Variants in TLK1 observed in about 807,000 individuals in gnomAD.
TLK1 encodes tousled like kinase 1.
In TLK1, 24 loss-of-function variants were observed where a neutral mutation model predicts 105.3. The ratio of observed to expected loss-of-function variants is 0.23; its 90% confidence interval spans 0.17 to 0.32. The LOEUF is 0.32. Among genes scored for constraint, TLK1 ranks in the 10% least tolerant of loss-of-function variants. The pLI is 1.00. For missense variants in TLK1, 558 were observed against 910.5 expected (o/e 0.61, Z 4.98); for synonymous variants, 321 against 310.4 (o/e 1.03, Z -0.36).
chr2:171,055,441 G>A (rs1399593498), intron 6 of TLK1, among the ~76,000 whole-genome samples: 3 of 150,944 alleles, frequency 2.0e-5, no homozygotes, highest in African/African-American at 7.3e-5. Flanking sequence ...TGCCATAAAA[G>A]AAATCTTAAT....
rs1683797897 is a variant in TLK1 at position 170,991,847 on chromosome 2, C to CA, written c.*1932dup. 1 of 152,094 alleles carries CA rather than the reference C, an allele frequency of 6.6e-6. No individual in the cohort carries two copies. Among genetic ancestry groups the CA allele is most frequent in the Non-Finnish European group, 1.5e-5 (1 of 67,994 alleles). The allele number at this position is 152,094 out of a possible 1,614,324, so 9.4% of individuals were successfully genotyped here. A position where few individuals can be genotyped will look rare whatever the true frequency, so the allele number is the denominator to read the frequency against. ...CTCTAACAACAAAACTGAAAACTTG[C>CA]AGGCAGCACGTAAAGCACTCAATCA... On this transcript the variant is annotated 3_prime_UTR_variant, in exon 21 of 21. Coordinates refer to ENST00000431350, the MANE Select transcript of TLK1 (RefSeq NM_012290.5).
intron 4 of TLK1, chr2:171,060,058 A>C: frequency 6.3e-7 from 1 of 1,599,100 alleles, no homozygotes; most frequent in Non-Finnish European, 8.5e-7. Flanking sequence ...GGGGGAAAAA[A>C]CACTGAAAGC....
At chr2:171,177,643 T>C (rs185155694) in intron 1 of TLK1, among the ~76,000 whole-genome samples, 7 of 152,302 alleles carry the variant, frequency 4.6e-5, no homozygotes, top group Admixed American at 4.6e-4. Flanking sequence ...TCTTTTCAAC[T>C]AACAAAGTGA....
chr2:171,221,467 T>C (rs1462161896), intron 1 of TLK1, among the ~76,000 whole-genome samples: 1 of 152,200 alleles, frequency 6.6e-6, no homozygotes, highest in Non-Finnish European at 1.5e-5. Flanking sequence ...GATGCATTGC[T>C]TTATAAGCTA....
intron 3 of TLK1, among the ~76,000 whole-genome samples, chr2:171,075,215 A>C (rs1465421214): frequency 2.0e-5 from 3 of 152,198 alleles, no homozygotes; most frequent in Non-Finnish European, 4.4e-5. Flanking sequence ...AGAAGGTATG[A>C]GAAAGTAGAG....
intron 2 of TLK1, among the ~76,000 whole-genome samples, chr2:171,092,031 C>T (rs537856578): frequency 4.0e-5 from 6 of 151,696 alleles, no homozygotes; most frequent in Non-Finnish European, 5.9e-5. Flanking sequence ...TGCGCCCGGC[C>T]GTCTTTTTTT....
At chr2:171,136,869 T>A (rs1452946471) in intron 1 of TLK1, among the ~76,000 whole-genome samples, 2 of 152,166 alleles carry the variant, frequency 1.3e-5, no homozygotes, top group Non-Finnish European at 2.9e-5. Context: ...GGTAAAAAAA[T>A]CAAGACTACT....
At chr2:171,028,125 T>C (rs1047916225) in intron 12 of TLK1, among the ~76,000 whole-genome samples, 1 of 152,192 alleles carries the variant, frequency 6.6e-6, no homozygotes, top group Non-Finnish European at 1.5e-5. Context: ...ATTGTGCCGC[T>C]GCACTCCAGC....
intron 2 of TLK1, among the ~76,000 whole-genome samples, chr2:171,087,267 C>T (rs924629766): frequency 1.3e-5 from 2 of 152,116 alleles, no homozygotes; most frequent in African/African-American, 4.8e-5. Flanking sequence ...ATATAAGTAG[C>T]TCAAACGACA....
intron 2 of TLK1, among the ~76,000 whole-genome samples, chr2:171,115,170 C>CTTTTTTTTTTTTTTTTTTTT (rs373796060): frequency 5.9e-5 from 8 of 135,764 alleles, no homozygotes; most frequent in African/African-American, 1.2e-4. Context: ...TTAAGAATTT[C>CTTTTTTTTTTTTTTTTTTTT]TTTCTTTTTT....
chr2:171,021,451 T>A (rs1472139967), intron 12 of TLK1, among the ~76,000 whole-genome samples: 2 of 1,080 alleles, frequency 1.9e-3, no homozygotes, highest in Non-Finnish European at 9.3e-3. Flanking sequence ...TTTTTTTTTT[T>A]TTTTTTTTTT....
At chr2:171,082,885 G>T in intron 2 of TLK1, 33 bp from the exon 3 acceptor site, 4 of 1,487,840 alleles carry the variant, frequency 2.7e-6, no homozygotes, top group South Asian at 1.2e-5. Flanking sequence ...TAAAAATTAG[G>T]AGTAATTTTT....
intron 1 of TLK1, among the ~76,000 whole-genome samples, chr2:171,222,486 A>G (rs969252695): frequency 6.6e-6 from 1 of 152,054 alleles, no homozygotes; most frequent in South Asian, 2.1e-4. Flanking sequence ...GCACATCACC[A>G]TGCCTGCCTA....
Position 171,061,097 on chromosome 2 carries a change from C to T in TLK1, c.390G>A (p.Gln130=), listed in dbSNP as rs767889130. The T allele has an allele frequency of 6.2e-7, 1 of 1,613,576 alleles. No individual in the cohort carries two copies. The highest frequency in any genetic ancestry group is 1.7e-5 in the Admixed American group (1 of 60,014). Residue 130 remains glutamine, a synonymous_variant, in exon 4 of 21, where the codon CAG becomes CAA. Coordinates refer to ENST00000431350, the MANE Select transcript of TLK1 (RefSeq NM_012290.5). ...TGTGCTTACCCTGACTACTTTCATT[C>T]TGGTTTTCTGCTTTTCTCTTTCTTC... ...SRGRKRKAEN[Q]NESSQGKSIG...
intron 1 of TLK1, among the ~76,000 whole-genome samples, chr2:171,133,131 A>C (rs1691169343): frequency 6.6e-6 from 1 of 152,224 alleles, no homozygotes; most frequent in Non-Finnish European, 1.5e-5. Context: ...GTTGAAAATT[A>C]AACATTGTTA....
intron 1 of TLK1, chr2:171,159,567 C>T (rs1181204818): frequency 6.6e-6 from 1 of 152,244 alleles, no homozygotes; most frequent in Non-Finnish European, 1.5e-5. Context: ...ACGACCCTGT[C>T]ACAGAAGAAC....
intron 12 of TLK1, among the ~76,000 whole-genome samples, chr2:171,018,174 T>C (rs938068859): frequency 6.6e-6 from 1 of 152,106 alleles, no homozygotes; most frequent in African/African-American, 2.4e-5. Context: ...AGAAGAAAGG[T>C]TCCCCCACCC....
rs551353089 is a variant in TLK1 at position 171,052,656 on chromosome 2, T to A, written c.732+1105A>T. Among the ~76,000 whole-genome samples, 46 of 152,278 alleles carry A rather than the reference T, an allele frequency of 3.0e-4. 2 individuals are homozygous for A. Among genetic ancestry groups the A allele is most frequent in the African/African-American group, 9.6e-4 (40 of 41,554 alleles). Reference sequence around the variant, plus strand: ...AACGTTCAAAAACCAACTGAAATAATATGTTGTGAAGAATGTAAGCACATA... The same window carrying A: ...AACGTTCAAAAACCAACTGAAATAAAATGTTGTGAAGAATGTAAGCACATA... On this transcript the variant is annotated intron_variant, in intron 8 of 20. Coordinates refer to ENST00000431350, the MANE Select transcript of TLK1 (RefSeq NM_012290.5).
At chr2:171,055,954 G>T (rs1687482117) in intron 6 of TLK1, among the ~76,000 whole-genome samples, 1 of 151,866 alleles carries the variant, frequency 6.6e-6, no homozygotes. Flanking sequence ...AATCCAATAT[G>T]CAAAACAATG....
Sources: allele counts gnomAD v4.1 joint callset (sites outside exome capture counted in the v4.1 genomes callset), GRCh38; gene constraint gnomAD v4.1.1; transcripts MANE v1.5; gene names NCBI Gene and HGNC (gene_info 2026-07-23, HGNC 2026-07-21).